COL17A1: variants seen among roughly 807,000 people sequenced by gnomAD.
COL17A1 encodes the protein collagen type XVII alpha 1 chain, also known as collagen alpha-1(XVII) chain.
In COL17A1, 181 loss-of-function variants were observed where a neutral mutation model predicts 218.4. That is an observed-to-expected ratio of 0.83 (90% CI 0.73 to 0.94). The LOEUF is 0.94. COL17A1 is among the 40% of genes least tolerant of loss of function. COL17A1 has a pLI of 0.00. For missense variants in COL17A1, 1,924 were observed against 1,945.9 expected, an observed-to-expected ratio of 0.99 and a Z score of 0.21; for synonymous variants, 721 against 731.0, an observed-to-expected ratio of 0.99 and a Z score of 0.22.
chr10:104,063,616 T>C, intron 11 of COL17A1, 131 bp downstream of exon 11: 1 of 1,407,924 alleles, frequency 7.1e-7, no homozygotes, highest in South Asian at 1.2e-5. Flanking sequence ...AGGCAGGTTC[T>C]GTGCAACCCT....
chr10:104,042,093 G>A (rs2086366182), intron 36 of COL17A1, among the ~76,000 whole-genome samples: 1 of 152,190 alleles, frequency 6.6e-6, no homozygotes, highest in Non-Finnish European at 1.5e-5. Context: ...AAAGGACCCG[G>A]GAGTGAGTCC....
At chr10:104,077,363 T>C in intron 4 of COL17A1, 59 bp downstream of exon 4, 1 of 1,362,378 alleles carries the variant, frequency 7.3e-7, no homozygotes, top group Non-Finnish European at 1.0e-6. Context: ...AGGACTTTCT[T>C]GGTGTCTCTC....
intron 13 of COL17A1, among the ~76,000 whole-genome samples, chr10:104,061,186 C>T (rs1354237935): frequency 6.6e-6 from 1 of 152,158 alleles, no homozygotes; most frequent in Non-Finnish European, 1.5e-5. Context: ...CTGCCCCCTT[C>T]TGATAGGAAC....
At chr10:104,068,993 G>GGGTC (rs2086648658) in intron 9 of COL17A1, among the ~76,000 whole-genome samples, 1 of 152,174 alleles carries the variant, frequency 6.6e-6, no homozygotes, top group African/African-American at 2.4e-5. Flanking sequence ...GAATTCACTG[G>GGGTC]GGTCCCCAGG....
At chr10:104,045,680 G>T (rs371093548) in intron 33 of COL17A1, 78 bp downstream of exon 33, 5 of 1,204,324 alleles carry the variant, frequency 4.2e-6, no homozygotes, top group Non-Finnish European at 5.0e-6. Context: ...GCCAGAGAGA[G>T]GCCTCCTCCT....
chr10:104,078,474 A>G (rs2086731052), intron 3 of COL17A1, 68 bp downstream of exon 3: 9 of 1,608,162 alleles, frequency 5.6e-6, no homozygotes, highest in Non-Finnish European at 7.7e-6. Flanking sequence ...TCCCATGGAA[A>G]AGGTTACAGG....
Position 104,054,878 on chromosome 10 carries a change from A to G in COL17A1, c.1744+103T>C, listed in dbSNP as rs527259255. On this transcript the variant is annotated intron_variant, in intron 20 of 55. Transcript: ENST00000648076. ...ACACACCTGTCCCATCTGTTGTCAA[A>G]TTACTTCTTGGAGTGCAAGGTGGGT... The G allele has an allele frequency of 5.2e-5, 81 of 1,568,060 alleles. 1 individual carries two copies. The African/African-American group carries it at 8.5e-4, about 16-fold the overall frequency.
intron 51 of COL17A1, 102 bp from the exon 52 acceptor site, chr10:104,034,436 C>T (rs1024297242): frequency 4.1e-6 from 6 of 1,472,998 alleles, no homozygotes. Flanking sequence ...CCCTGAGAGA[C>T]CAGAAGTGAA....
At position 104,045,809 on chromosome 10, in the gene COL17A1, C is replaced by T; in HGVS notation, c.2363-16G>A. The T allele has an allele frequency of 6.2e-7, 1 of 1,609,740 alleles. No individual in the cohort carries two copies. Among genetic ancestry groups the T allele is most frequent in the Non-Finnish European group, 8.5e-7 (1 of 1,175,902 alleles). On this transcript the variant is annotated splice_polypyrimidine_tract_variant and intron_variant, in intron 32 of 55. Transcript: ENST00000648076. ...CCGGGAAGTCCTGATGTGATTAGAA[C>T]AAGTAGTCAGGACGATGAAGGCCCA...
Position 104,055,948 on chromosome 10 carries a change from C to T in COL17A1, c.1521G>A (p.Arg507=). ...TGCTGTCCCCATAGGGCAGTATGCT[C>T]CTCCTGATCCTCTCCAGCTCATCCA... ...ARVDELERIR[R]SILPYGDSMD... The change falls in exon 18 of 56, where the codon AGG becomes AGA. Residue 507 remains arginine (R), a synonymous_variant. Transcript: ENST00000648076. 1 of 1,614,172 alleles carries T rather than the reference C, an allele frequency of 6.2e-7. No individual in the cohort carries two copies. The highest frequency in any genetic ancestry group is 2.2e-5 in the East Asian group (1 of 44,872).
chr10:104,059,559 T>C (rs766563284), intron 15 of COL17A1, 79 bp downstream of exon 15: 3 of 1,334,380 alleles, frequency 2.2e-6, no homozygotes, highest in African/African-American at 2.9e-5. Context: ...ACACTTTGAG[T>C]AGCAAGGTCT....
At chr10:104,064,730 T>C in intron 9 of COL17A1, 134 bp from the exon 10 acceptor site, 1 of 824,704 alleles carries the variant, frequency 1.2e-6, no homozygotes, top group Non-Finnish European at 2.0e-6. Flanking sequence ...ACTTTCTCAG[T>C]CCAGGAACCT....
Position 104,050,639 on chromosome 10 carries a change from C to T in COL17A1, c.2110G>A (p.Gly704Arg), listed in dbSNP as rs748170794. 2 of 1,613,362 alleles carry T rather than the reference C, an allele frequency of 1.2e-6. No homozygotes were observed. The highest frequency in any genetic ancestry group is 4.5e-5 in the East Asian group (2 of 44,894). ...PGVKGDKGPM[G>R]PPGPKGDQGE... is the part of the protein sequence containing the mutation. ...GGCATACCTTTGGGTCCTGGTGGTC[C>T]CATTGGTCCTTTGTCACCTAAAAAG... The change falls in exon 27 of 56, where the codon GGA (glycine) becomes AGA (arginine). Residue 704 changes from glycine to arginine, a missense_variant. Gly to Arg is a moderately radical substitution (Grantham distance 125). Transcript: ENST00000648076.
chr10:104,083,077 C>A (rs2086778768), intron 1 of COL17A1, among the ~76,000 whole-genome samples: 1 of 152,152 alleles, frequency 6.6e-6, no homozygotes, highest in East Asian at 1.9e-4. Context: ...GAGACTGATT[C>A]CTTTAAACGA....
chr10:104,068,406 A>G (rs1411587757), intron 9 of COL17A1, among the ~76,000 whole-genome samples: 2 of 152,256 alleles, frequency 1.3e-5, no homozygotes, highest in Non-Finnish European at 2.9e-5. Flanking sequence ...ATCCCAAGTA[A>G]TAAATGGTAA....
intron 9 of COL17A1, among the ~76,000 whole-genome samples, chr10:104,066,330 T>C (rs1382061492): frequency 6.6e-6 from 1 of 152,222 alleles, no homozygotes; most frequent in Admixed American, 6.5e-5. Context: ...CTGCAGGTTT[T>C]TAAGGGCTAA....
intron 5 of COL17A1, among the ~76,000 whole-genome samples, chr10:104,075,054 C>T (rs1334864156): frequency 6.6e-6 from 1 of 152,148 alleles, no homozygotes; most frequent in Non-Finnish European, 1.5e-5. Flanking sequence ...TCCCCTTGTC[C>T]CTAAAAGACT....
chr10:104,062,554 A>G (rs1297161343), intron 11 of COL17A1, among the ~76,000 whole-genome samples: 1 of 152,234 alleles, frequency 6.6e-6, no homozygotes, highest in Non-Finnish European at 1.5e-5. Flanking sequence ...TTACGTAGTT[A>G]GGTCCATCCA....
chr10:104,037,753 G>C lies in COL17A1; in HGVS notation c.3091C>G (p.Leu1031Val), dbSNP rs141882617. 3 of 1,613,960 alleles carry C rather than the reference G, an allele frequency of 1.9e-6. No homozygotes were observed. In the African/African-American group the frequency reaches 4.0e-5, roughly 22 times the overall value. Reference sequence around the variant, plus strand: ...CCTGGGGGACCCTGAACTCCGGATAGGTAAGATCTAATACTGTCACCTGCC... The same window carrying C: ...CCTGGGGGACCCTGAACTCCGGATACGTAAGATCTAATACTGTCACCTGCC... ...YMQSDSIRSY[L>V]SGVQGPPGPP... Residue 1031 changes from leucine (L) to valine (V), a missense_variant, in exon 46 of 56, where the codon CTA (leucine) becomes GTA (valine). Physicochemically the swap from Leu to Val is conservative, Grantham distance 32. Transcript: ENST00000648076.
Sources: allele counts gnomAD v4.1 joint callset (sites outside exome capture counted in the v4.1 genomes callset), GRCh38; gene constraint gnomAD v4.1.1; transcripts MANE v1.5; gene names NCBI Gene and HGNC (gene_info 2026-07-23, HGNC 2026-07-21).